Variants in PCDHGA5 observed in about 807,000 individuals in gnomAD.
PCDHGA5 encodes the protein protocadherin gamma subfamily A, 5, also known as protocadherin gamma-A5.
PCDHGA5 carries 36 observed loss-of-function variants against 56.7 expected under a neutral mutation model. That is an observed-to-expected ratio of 0.64 (90% CI 0.49 to 0.84). The LOEUF is 0.84. Among genes scored for constraint, PCDHGA5 ranks in the 40% least tolerant of loss-of-function variants. The pLI is 0.00. For synonymous variants in PCDHGA5, 563 were observed against 520.2 expected (o/e 1.08, Z -1.12); for missense variants, 1,305 against 1,201.5 (o/e 1.09, Z -1.27).
intron 1 of PCDHGA5, among the ~76,000 whole-genome samples, chr5:141,420,643 A>G (rs145459829): frequency 0.01 from 1,535 of 152,326 alleles, 17 homozygotes; most frequent in Non-Finnish European, 0.013. Flanking sequence ...GGAACCTTGT[A>G]AGAATTATAG....
Position 141,418,943 on chromosome 5 carries a change from C to T in PCDHGA5, c.2421+52192C>T, listed in dbSNP as rs751344893. On this transcript the variant is annotated intron_variant, in intron 1 of 3. Coordinates refer to ENST00000518069, the MANE Select transcript of PCDHGA5 (RefSeq NM_018918.3). ...TGATCAGATTATGGAGGATTCCCCT[C>T]CAGGAGTGGTTGTTGCCCTCTTCAA... The T allele has an allele frequency of 3.1e-6, 5 of 1,613,914 alleles. No homozygotes were observed. The African/African-American group carries it at 6.7e-5, about 22-fold the overall frequency.
Position 141,485,465 on chromosome 5 carries a change from C to T in PCDHGA5, c.2422-9342C>T. ...AATCGACCGAGAGGCACTGTGTGGG[C>T]TCAGTGCCAGCTGCATCGTGCCCCT... On this transcript the variant is annotated intron_variant, in intron 1 of 3. Coordinates refer to ENST00000518069, the MANE Select transcript of PCDHGA5 (RefSeq NM_018918.3). This position sits in a 1 kb window ranked among gnomAD's most constrained non-coding sequence, Gnocchi z 5.7. 6.2e-7 allele frequency: 1 copy of T among 1,614,162 alleles called. No homozygotes were observed.
At chr5:141,472,786 G>A (rs549389294) in intron 1 of PCDHGA5, among the ~76,000 whole-genome samples, 1 of 151,888 alleles carries the variant, frequency 6.6e-6, no homozygotes, top group Non-Finnish European at 1.5e-5. Flanking sequence ...GGGAGTTCAA[G>A]ATCAGCCTGA....
At chr5:141,402,912 G>T (rs373067478) in intron 1 of PCDHGA5, 319 of 1,553,994 alleles carry the variant, frequency 2.1e-4, no homozygotes, top group East Asian at 2.5e-4. Flanking sequence ...GAAGCAGCGC[G>T]CACAGAGATC....
intron 1 of PCDHGA5, among the ~76,000 whole-genome samples, chr5:141,397,686 T>C (rs963267542): frequency 7.2e-5 from 11 of 152,372 alleles, no homozygotes; most frequent in Middle Eastern, 3.4e-3. Flanking sequence ...TGCAGGTTTG[T>C]ATAAAAACCC....
chr5:141,432,378 C>A lies in PCDHGA5; in HGVS notation c.2422-62429C>A. On this transcript the variant is annotated intron_variant, in intron 1 of 3. Coordinates refer to ENST00000518069, the MANE Select transcript of PCDHGA5 (RefSeq NM_018918.3). This position sits in a 1 kb window ranked among gnomAD's most constrained non-coding sequence, Gnocchi z 6.0. ...GTGATGGCGCGGGACAACGGGCACC[C>A]GCCCCTCAGCAGCAACGTGTCGTTG... 6.2e-7 allele frequency: 1 copy of A among 1,614,234 alleles called. No individual in the cohort carries two copies. Among genetic ancestry groups the A allele is most frequent in the South Asian group, 1.1e-5 (1 of 91,082 alleles).
rs759446483 is a variant in PCDHGA5 at position 141,376,133 on chromosome 5, C to T, written c.2421+9382C>T. On this transcript the variant is annotated intron_variant, in intron 1 of 3. Coordinates refer to ENST00000518069, the MANE Select transcript of PCDHGA5 (RefSeq NM_018918.3). ...GGGCAGCCTCGAGCCCTCCGCCAAA[C>T]CCAACGATTCGGACCTCACTCTGTA... 1.8e-5 allele frequency: 29 copies of T among 1,613,956 alleles called. No homozygotes were observed. The East Asian group carries it at 6.2e-4, about 35-fold the overall frequency.
intron 1 of PCDHGA5, among the ~76,000 whole-genome samples, chr5:141,445,077 T>C (rs778919022): frequency 5.9e-5 from 9 of 152,242 alleles, no homozygotes; most frequent in Non-Finnish European, 1.2e-4. Flanking sequence ...CTCATTAAAT[T>C]GTCCCTACAT....
At chr5:141,395,525 G>T in intron 1 of PCDHGA5, 1 of 384,022 alleles carries the variant, frequency 2.6e-6, no homozygotes, top group Non-Finnish European at 4.6e-6. Context: ...CGTCCATACT[G>T]GTAATTTTGC....
intron 1 of PCDHGA5, among the ~76,000 whole-genome samples, chr5:141,447,378 T>C (rs2098536967): frequency 6.6e-6 from 1 of 152,148 alleles, no homozygotes; most frequent in Non-Finnish European, 1.5e-5. Context: ...ACCCTGGTGA[T>C]CTGCCCACCT....
intron 1 of PCDHGA5, chr5:141,414,573 A>G: frequency 6.2e-7 from 1 of 1,613,920 alleles, no homozygotes; most frequent in African/African-American, 1.3e-5. Context: ...CCTATATCCC[A>G]GAGAACAACG....
In PCDHGA5 at chr5:141,366,106, A is replaced by G. The variant is rs375843095; in HGVS notation, c.1776A>G (p.Val592=). The change falls in exon 1 of 4, where the codon GTA becomes GTG. Residue 592 remains valine (V), a synonymous_variant. Coordinates refer to ENST00000518069, the MANE Select transcript of PCDHGA5 (RefSeq NM_018918.3). ...CTGGCTACCTGGTGACCAAGGTGGTAGCGGTGGACAAAGATTCAGGCCAGA... is the reference window on the plus strand; with the variant it reads ...CTGGCTACCTGGTGACCAAGGTGGTGGCGGTGGACAAAGATTCAGGCCAGA... ...AEPGYLVTKV[V]AVDKDSGQNA... 739 of 1,614,224 alleles carry G rather than the reference A, an allele frequency of 4.6e-4. No homozygotes were observed. In the Middle Eastern group the frequency reaches 5.3e-3, roughly 12 times the overall value.
chr5:141,410,505 A>T (rs2095401601), intron 1 of PCDHGA5: 1 of 1,613,848 alleles, frequency 6.2e-7, no homozygotes, highest in Non-Finnish European at 8.5e-7. Flanking sequence ...AATTTCCTAA[A>T]ATGCAGTGTG....
At position 141,432,898 on chromosome 5, in the gene PCDHGA5, G is replaced by C. The variant is rs746913952; in HGVS notation, c.2422-61909G>C. ...TGGCCTTCGTCATCTTGCTGCTGGC[G>C]CTCAGGCTGCGGCGCTGGCACAAGT... On this transcript the variant is annotated intron_variant, in intron 1 of 3. Coordinates refer to ENST00000518069, the MANE Select transcript of PCDHGA5 (RefSeq NM_018918.3). The surrounding 1 kb of genome is among the most constrained non-coding windows in gnomAD (Gnocchi z 6.0). 28 of 1,614,056 alleles carry C rather than the reference G, an allele frequency of 1.7e-5. No individual in the cohort carries two copies. In the African/African-American group the frequency reaches 2.4e-4, roughly 14 times the overall value.
intron 1 of PCDHGA5, among the ~76,000 whole-genome samples, chr5:141,462,068 C>T (rs1006462521): frequency 6.6e-6 from 1 of 152,196 alleles, no homozygotes; most frequent in African/African-American, 2.4e-5. Context: ...GGTGATCTGC[C>T]CGCCTTGGCC....
chr5:141,421,679 C>A, intron 1 of PCDHGA5: 1 of 1,613,810 alleles, frequency 6.2e-7, no homozygotes, highest in East Asian at 2.2e-5. Flanking sequence ...ATTCCTGGGG[C>A]GCGATTTGCT....
chr5:141,402,319 C>G lies in PCDHGA5; in HGVS notation c.2421+35568C>G, dbSNP rs181180510. On this transcript the variant is annotated intron_variant, in intron 1 of 3. Transcript: ENST00000518069. ...TGTATTAATACAATTATATATTTTA[C>G]ATTTACAAATATATAGGTATAAAAA... Among the ~76,000 whole-genome samples, 14 of 151,934 alleles carry G rather than the reference C, an allele frequency of 9.2e-5. No individual in the cohort carries two copies. In the East Asian group the frequency reaches 2.7e-3, roughly 29 times the overall value.
intron 3 of PCDHGA5, among the ~76,000 whole-genome samples, chr5:141,506,879 G>T (rs958969109): frequency 6.6e-6 from 1 of 152,172 alleles, no homozygotes; most frequent in Non-Finnish European, 1.5e-5. Flanking sequence ...AGAACCAGGT[G>T]AAATCACAAG....
chr5:141,420,382 C>A, intron 1 of PCDHGA5: 1 of 1,300,530 alleles, frequency 7.7e-7, no homozygotes. Flanking sequence ...ATAGAGTTCG[C>A]AAAATATAGG....
Sources: gnomAD v4.1 joint callset for allele counts (sites outside exome capture counted in the v4.1 genomes callset) on GRCh38, gnomAD v4.1.1 for gene constraint, Gnocchi (gnomAD v3.1) non-coding constraint, MANE v1.5 for transcripts, NCBI Gene and HGNC (gene_info 2026-07-23, HGNC 2026-07-21) for gene names.